Variants in ST6GAL1 observed in about 807,000 individuals in gnomAD.
ST6GAL1 encodes the protein ST6 beta-galactoside alpha-2,6-sialyltransferase 1, also known as beta-galactoside alpha-2,6-sialyltransferase 1.
In ST6GAL1, 20 loss-of-function variants were observed where a neutral mutation model predicts 38.0. That is an observed-to-expected ratio of 0.53 (90% CI 0.37 to 0.77). The LOEUF (loss-of-function observed/expected upper bound fraction) is 0.77. ST6GAL1 is among the 30% of genes least tolerant of loss of function. The pLI is 0.00. For missense variants in ST6GAL1, 432 were observed against 496.4 expected (o/e 0.87, Z 1.23); for synonymous variants, 196 against 188.2 (o/e 1.04, Z -0.34).
chr3:187,068,847 A>G (rs559893881), intron 5 of ST6GAL1, among the ~76,000 whole-genome samples: 1 of 152,372 alleles, frequency 6.6e-6, no homozygotes, highest in Admixed American at 6.5e-5. Flanking sequence ...TGCTTTTAAT[A>G]TAACAGCTGT....
intron 2 of ST6GAL1, among the ~76,000 whole-genome samples, chr3:187,030,889 G>C (rs1268364963): frequency 6.6e-6 from 1 of 152,204 alleles, no homozygotes; most frequent in African/African-American, 2.4e-5. Context: ...CATTTGCAAT[G>C]ATGGTGCCGT....
intron 1 of ST6GAL1, among the ~76,000 whole-genome samples, chr3:186,944,422 T>C (rs557160896): frequency 6.6e-6 from 1 of 152,300 alleles, no homozygotes; most frequent in Non-Finnish European, 1.5e-5. Context: ...TTGCCTATTC[T>C]CCCCATCCTC....
At chr3:186,939,568 A>T (rs907676744) in intron 1 of ST6GAL1, among the ~76,000 whole-genome samples, 1 of 152,222 alleles carries the variant, frequency 6.6e-6, no homozygotes, top group African/African-American at 2.4e-5. Flanking sequence ...ACATTTTGTG[A>T]GTATTAAATG....
chr3:186,946,208 G>A (rs1286078890), intron 1 of ST6GAL1, among the ~76,000 whole-genome samples: 1 of 151,776 alleles, frequency 6.6e-6, no homozygotes, highest in African/African-American at 2.4e-5. Flanking sequence ...GCTGCTCGGT[G>A]GGGCTGAGGC....
chr3:187,070,424 C>CTT (rs34389560), intron 5 of ST6GAL1, among the ~76,000 whole-genome samples: 7 of 99,128 alleles, frequency 7.1e-5, no homozygotes, highest in East Asian at 3.0e-4. Flanking sequence ...AACACTTGCT[C>CTT]TTTTTTTTTT....
intron 5 of ST6GAL1, among the ~76,000 whole-genome samples, chr3:187,061,759 A>C (rs1443192870): frequency 1.3e-5 from 2 of 152,236 alleles, no homozygotes; most frequent in Non-Finnish European, 2.9e-5. Flanking sequence ...AAAAACTATA[A>C]AACTCTTAGA....
intron 1 of ST6GAL1, 135 bp from the exon 2 acceptor site, chr3:186,963,650 G>A (rs1006653133): frequency 1.3e-5 from 2 of 152,272 alleles, no homozygotes; most frequent in East Asian, 3.8e-4. Context: ...CATGTAGCTC[G>A]TTTAGGTCCT....
intron 5 of ST6GAL1, among the ~76,000 whole-genome samples, chr3:187,065,380 A>C (rs1229848553): frequency 6.6e-6 from 1 of 152,184 alleles, no homozygotes; most frequent in East Asian, 1.9e-4. Flanking sequence ...CATGCAAAAC[A>C]AAAAAGGCAC....
At position 186,964,893 on chromosome 3, in the gene ST6GAL1, C is replaced by T. The variant is rs147084419; in HGVS notation, c.-183+967C>T. Among the ~76,000 whole-genome samples the T allele has an allele frequency of 5.3e-5, 8 of 152,268 alleles. No homozygotes were observed. The East Asian group carries it at 1.2e-3, about 22-fold the overall frequency. On this transcript the variant is annotated intron_variant, in intron 2 of 7. Coordinates refer to ENST00000169298, the MANE Select transcript of ST6GAL1 (RefSeq NM_173216.2). Reference sequence around the variant, plus strand: ...ATTCCTTCATTTCCTCACCTGTGAACGGTAGGTGCCCAGTAACATGAGTTG... The same window carrying T: ...ATTCCTTCATTTCCTCACCTGTGAATGGTAGGTGCCCAGTAACATGAGTTG...
At chr3:186,944,700 TCAC>T (rs1386364658) in intron 1 of ST6GAL1, among the ~76,000 whole-genome samples, 1 of 152,092 alleles carries the variant, frequency 6.6e-6, no homozygotes, top group Non-Finnish European at 1.5e-5. Context: ...TTGAGGAAAA[TCAC>T]AGCCTATGCT....
chr3:187,013,663 C>T (rs1285462577), intron 2 of ST6GAL1, among the ~76,000 whole-genome samples: 3 of 152,328 alleles, frequency 2.0e-5, no homozygotes, highest in Non-Finnish European at 2.9e-5. Context: ...CAGCTCACTG[C>T]GACTTCCACC....
At chr3:186,949,174 G>T (rs1332566356) in intron 1 of ST6GAL1, among the ~76,000 whole-genome samples, 1 of 152,236 alleles carries the variant, frequency 6.6e-6, no homozygotes, top group Non-Finnish European at 1.5e-5. Flanking sequence ...ATGGATCTGA[G>T]CCCTGGAGGA....
chr3:186,984,345 G>A (rs983424357), intron 2 of ST6GAL1, among the ~76,000 whole-genome samples: 1 of 152,124 alleles, frequency 6.6e-6, no homozygotes, highest in African/African-American at 2.4e-5. Flanking sequence ...TATTAAGTCA[G>A]ATCTGGTTGT....
At chr3:187,064,155 AAAAG>A (rs1179030315) in intron 5 of ST6GAL1, among the ~76,000 whole-genome samples, 1 of 152,190 alleles carries the variant, frequency 6.6e-6, no homozygotes, top group Non-Finnish European at 1.5e-5. Context: ...TTTAGGGAAA[AAAAG>A]GTAAGATGAT....
chr3:187,057,417 C>T (rs1560179466), intron 5 of ST6GAL1, among the ~76,000 whole-genome samples: 1 of 152,198 alleles, frequency 6.6e-6, no homozygotes, highest in African/African-American at 2.4e-5. Context: ...CTTTTCTGCT[C>T]TGGTTTCTCC....
At chr3:186,943,871 C>T (rs1398436297) in intron 1 of ST6GAL1, among the ~76,000 whole-genome samples, 3 of 152,240 alleles carry the variant, frequency 2.0e-5, no homozygotes, top group Admixed American at 1.3e-4. Context: ...CCTCCAGAGC[C>T]CATGTCTCAG....
At chr3:186,965,678 G>A (rs1715085937) in intron 2 of ST6GAL1, among the ~76,000 whole-genome samples, 1 of 152,212 alleles carries the variant, frequency 6.6e-6, no homozygotes, top group Non-Finnish European at 1.5e-5. Flanking sequence ...GTGGAGGGGT[G>A]GAGGATGGAG....
rs778969734 is a variant in ST6GAL1, at chr3:187,043,185, A to C, written c.482A>C (p.Asn161Thr). The change falls in exon 4 of 8, where the codon AAT (asparagine) becomes ACT (threonine). Residue 161 changes from asparagine to threonine, a missense_variant. Asn to Thr is a moderately conservative substitution (Grantham distance 65, BLOSUM62 0). Coordinates refer to ENST00000169298, the MANE Select transcript of ST6GAL1 (RefSeq NM_173216.2). ...SMVEVTDFPFNTSEWEGYLPK... is the reference protein window; with the variant it reads ...SMVEVTDFPFTTSEWEGYLPK... ...GTAGAGGTCACAGATTTTCCCTTCAATACCTCTGAATGGGAGGGTTATCTG... is the reference window on the plus strand; with the variant it reads ...GTAGAGGTCACAGATTTTCCCTTCACTACCTCTGAATGGGAGGGTTATCTG... 2 of 1,614,188 alleles carry C rather than the reference A, an allele frequency of 1.2e-6. No homozygotes were observed. Among genetic ancestry groups the C allele is most frequent in the East Asian group, 4.5e-5 (2 of 44,888 alleles).
chr3:187,075,990 A>C lies in ST6GAL1; in HGVS notation c.*187A>C. 1.2e-6 allele frequency: 1 copy of C among 854,968 alleles called. No homozygotes were observed. The highest frequency in any genetic ancestry group is 1.7e-6 in the Non-Finnish European group (1 of 573,420). 53.0% of individuals were successfully genotyped at this position (854,968 alleles called of 1,614,324 possible). A position where few individuals can be genotyped will look rare whatever the true frequency, so the allele number is the denominator to read the frequency against. ...ATCAGGTCCAGCCTTCCCTGTAGCC[A>C]GACAGTTTATGAGCCCAGAGCCTCC... On this transcript the variant is annotated 3_prime_UTR_variant, in exon 8 of 8. Transcript: ENST00000169298. The surrounding 1 kb of genome is among the most constrained non-coding windows in gnomAD (Gnocchi z 4.1).
Sources: allele counts gnomAD v4.1 joint callset (sites outside exome capture counted in the v4.1 genomes callset), GRCh38; gene constraint gnomAD v4.1.1; non-coding constraint Gnocchi (gnomAD v3.1); transcripts MANE v1.5; gene names NCBI Gene and HGNC (gene_info 2026-07-23, HGNC 2026-07-21).